CLDN15: variants seen among roughly 807,000 people sequenced by gnomAD.
The protein encoded by CLDN15 is claudin 15, also known as claudin-15.
Under a neutral mutation model 24.5 loss-of-function variants are expected in CLDN15, and 9 were observed. That is an observed-to-expected ratio of 0.37 (90% CI 0.22 to 0.64). The LOEUF (loss-of-function observed/expected upper bound fraction) is 0.64. CLDN15 is among the 30% of genes least tolerant of loss of function. CLDN15 has a pLI of 0.63. For synonymous variants in CLDN15, 149 were observed against 131.4 expected (o/e 1.13, Z -0.92); for missense variants, 248 against 305.9 (o/e 0.81, Z 1.41).
In CLDN15 at chr7:101,237,479, G is replaced by C. The variant is rs760934332; in HGVS notation, c.103C>G (p.His35Asp). Residue 35 changes from histidine to aspartate, a missense_variant, in exon 1 of 5, where the codon CAC becomes GAC. Physicochemically the swap from His to Asp is moderately conservative, Grantham distance 81. Transcript: ENST00000308344. This position sits in a 1 kb window ranked among gnomAD's most constrained non-coding sequence, Gnocchi z 4.0. ...PNSYWRVSTV[H>D]GNVITTNTIF... ...GTGTTGGTGGTGATGACGTTCCCGTGCACAGTGGACACTCGCCAGTAGCTG... is the reference window on the plus strand; with the variant it reads ...GTGTTGGTGGTGATGACGTTCCCGTCCACAGTGGACACTCGCCAGTAGCTG... The C allele has an allele frequency of 1.2e-6, 2 of 1,613,986 alleles. No homozygotes were observed. The highest frequency in any genetic ancestry group is 2.2e-5 in the South Asian group (2 of 91,076).
rs1022645930 is a variant in CLDN15 at position 101,237,313 on chromosome 7, C to G, written c.217+52G>C. 8.3e-7 allele frequency: 1 copy of G among 1,203,750 alleles called. No individual in the cohort carries two copies. The allele number at this position is 1,203,750 out of a possible 1,614,324, so 74.6% of individuals were successfully genotyped here. ...GGAAGTACCCGCCCTCCCCTGGGGT[C>G]TCTGCAGCTTCCCCGCCGCCCTCTC... On this transcript the variant is annotated intron_variant, in intron 1 of 4. Transcript: ENST00000308344. The surrounding 1 kb of genome is among the most constrained non-coding windows in gnomAD (Gnocchi z 4.0).
At chr7:101,234,590 C>T in intron 1 of CLDN15, 148 bp from the exon 2 acceptor site, 2 of 607,502 alleles carry the variant, frequency 3.3e-6, no homozygotes, top group Non-Finnish European at 5.9e-6. Flanking sequence ...CCACGCCCGG[C>T]TAATTTTTCT....
In CLDN15 at chr7:101,232,704, C is replaced by T. The variant is rs754103171; in HGVS notation, c.481G>A (p.Ala161Thr). The T allele has an allele frequency of 4.4e-6, 7 of 1,593,980 alleles. No homozygotes were observed. The highest frequency in any genetic ancestry group is 1.8e-5 in the Admixed American group (1 of 56,834). ...GAGGCGCTCCACCCCAGGTAGAGGG[C>T]GGGGCCCAGCTCGTACCTGCGCACA... is the stretch of plus-strand genomic sequence containing the variant. ...YPGTKYELGPALYLGWSASLI... is the reference protein window; with the variant it reads ...YPGTKYELGPTLYLGWSASLI... The change falls in exon 4 of 5, where the codon GCC (alanine) becomes ACC (threonine). Residue 161 changes from alanine to threonine, a missense_variant. By Grantham distance (58) the Ala-to-Thr change is moderately conservative. Transcript: ENST00000308344.
chr7:101,233,177 T>A (rs1375728724), intron 2 of CLDN15, among the ~76,000 whole-genome samples: 1 of 151,956 alleles, frequency 6.6e-6, no homozygotes, highest in Non-Finnish European at 1.5e-5. Context: ...CTGCCTCTTC[T>A]CTCTTTGGTC....
Position 101,232,489 on chromosome 7 carries a change from A to T in CLDN15, c.608T>A (p.Val203Glu). Residue 203 changes from valine (V) to glutamate (E), a missense_variant, in exon 5 of 5, where the codon GTG (valine) becomes GAG (glutamate). By Grantham distance (121) the Val-to-Glu change is moderately radical. Transcript: ENST00000308344. ...CGAGGTGGCGACGGGCATCACGGAC[A>T]CTGGAGCCTGGTAGGGCCGCCGGGC... Reference protein sequence around the residue: ...ASARRPYQAPVSVMPVATSDQ... With the variant: ...ASARRPYQAPESVMPVATSDQ... The T allele has an allele frequency of 1.2e-6, 2 of 1,613,210 alleles. No homozygotes were observed. Among genetic ancestry groups the T allele is most frequent in the East Asian group, 4.5e-5 (2 of 44,866 alleles).
chr7:101,232,511 G>C lies in CLDN15; in HGVS notation c.586C>G (p.Arg196Gly), dbSNP rs948783117. 2.5e-6 allele frequency: 4 copies of C among 1,611,076 alleles called. No individual in the cohort carries two copies. The highest frequency in any genetic ancestry group is 3.4e-6 in the Non-Finnish European group (4 of 1,178,120). Residue 196 changes from arginine to glycine, a missense_variant, in exon 5 of 5, where the codon CGG becomes GGG. Physicochemically the swap from Arg to Gly is moderately radical, Grantham distance 125. Coordinates refer to ENST00000308344, the MANE Select transcript of CLDN15 (RefSeq NM_014343.3). ...GACACTGGAGCCTGGTAGGGCCGCC[G>C]GGCGCTGCGGGGAGGGCCCGGGGTC... ...GSDEDPAASARRPYQAPVSVM... is the reference protein window; with the variant it reads ...GSDEDPAASAGRPYQAPVSVM...
upstream of CLDN15, chr7:101,237,952 C>G (rs1044605650): frequency 1.3e-5 from 4 of 317,620 alleles, no homozygotes; most frequent in Non-Finnish European, 1.9e-5. This position sits in a 1 kb window ranked among gnomAD's most constrained non-coding sequence, Gnocchi z 4.0. Flanking sequence ...GAGCCACTGA[C>G]GGATACAGCC....
chr7:101,233,070 T>C (rs1356191867), intron 2 of CLDN15, among the ~76,000 whole-genome samples, 156 bp from the exon 3 acceptor site: 3 of 152,078 alleles, frequency 2.0e-5, no homozygotes, highest in African/African-American at 7.2e-5. Context: ...CACCCCAGTT[T>C]ATAAGCCTTC....
chr7:101,237,898 C>T (rs748498620), upstream of CLDN15: 49 of 382,976 alleles, frequency 1.3e-4, no homozygotes, highest in Middle Eastern at 8.1e-4. The surrounding 1 kb of genome is among the most constrained non-coding windows in gnomAD (Gnocchi z 4.0). Context: ...TGGGCTGCCC[C>T]GGGCTCCCCG....
intron 1 of CLDN15, among the ~76,000 whole-genome samples, chr7:101,236,104 G>A (rs1191545457): frequency 3.9e-5 from 6 of 152,174 alleles, no homozygotes; most frequent in Admixed American, 3.3e-4. Context: ...TGCCAGGGGT[G>A]CCCCTCTCAG....
At position 101,237,178 on chromosome 7, in the gene CLDN15, C is replaced by T. The variant is rs751350752; in HGVS notation, c.217+187G>A. On this transcript the variant is annotated intron_variant, in intron 1 of 4. Coordinates refer to ENST00000308344, the MANE Select transcript of CLDN15 (RefSeq NM_014343.3). The surrounding 1 kb of genome is among the most constrained non-coding windows in gnomAD (Gnocchi z 4.0). ...AAAGCGCCACACTAGCGCAGGGGGC[C>T]ACGTGTGGCAAGGTCTTCACTCCAG... Among the ~76,000 whole-genome samples, 3 of 152,190 alleles carry T rather than the reference C, an allele frequency of 2.0e-5. No homozygotes were observed. The highest frequency in any genetic ancestry group is 4.4e-5 in the Non-Finnish European group (3 of 68,038).
chr7:101,238,045 G>A (rs1798669431), upstream of CLDN15: 1 of 232,210 alleles, frequency 4.3e-6, no homozygotes, highest in East Asian at 9.7e-5. Context: ...GCCAAAGAAC[G>A]GAGTAAGAGG....
At chr7:101,237,923 G>C (rs547566377), upstream of CLDN15, 15 of 361,800 alleles carry the variant, frequency 4.1e-5, no homozygotes, top group South Asian at 1.7e-4. The surrounding 1 kb of genome is among the most constrained non-coding windows in gnomAD (Gnocchi z 4.0). Context: ...ACGAGGGTGG[G>C]GGGGGCAGAC....
rs1315308847 is a variant in CLDN15, at chr7:101,232,395, C to G, written c.*15G>C. ...GGGGCAGTGGGAAGACAGCGGGGCC[C>G]ACGGGCCAGAGCTGCTACACGTAGG... On this transcript the variant is annotated 3_prime_UTR_variant, in exon 5 of 5. Coordinates refer to ENST00000308344, the MANE Select transcript of CLDN15 (RefSeq NM_014343.3). 1.9e-6 allele frequency: 3 copies of G among 1,584,586 alleles called. No individual in the cohort carries two copies. Among genetic ancestry groups the G allele is most frequent in the Non-Finnish European group, 2.6e-6 (3 of 1,154,678 alleles).
intron 2 of CLDN15, 74 bp from the exon 3 acceptor site, chr7:101,232,988 G>GCCCCT: frequency 3.8e-6 from 4 of 1,057,094 alleles, no homozygotes; most frequent in Non-Finnish European, 5.8e-6. Flanking sequence ...GGGAGAGGCA[G>GCCCCT]GCAGGGGCTG....
upstream of CLDN15, chr7:101,237,922 G>A (rs961409739): frequency 8.8e-5 from 32 of 362,834 alleles, no homozygotes; most frequent in African/African-American, 5.7e-4. This position sits in a 1 kb window ranked among gnomAD's most constrained non-coding sequence, Gnocchi z 4.0. Flanking sequence ...CACGAGGGTG[G>A]GGGGGGCAGA....
chr7:101,237,328 G>A lies in CLDN15; in HGVS notation c.217+37C>T, dbSNP rs757515566. 4.0e-5 allele frequency: 55 copies of A among 1,374,512 alleles called. No homozygotes were observed. Among genetic ancestry groups the A allele is most frequent in the Admixed American group, 2.7e-4 (14 of 52,222 alleles). 85.1% of individuals were successfully genotyped at this position (1,374,512 alleles called of 1,614,324 possible). On this transcript the variant is annotated intron_variant, in intron 1 of 4. Coordinates refer to ENST00000308344, the MANE Select transcript of CLDN15 (RefSeq NM_014343.3). The surrounding 1 kb of genome is among the most constrained non-coding windows in gnomAD (Gnocchi z 4.0). ...CCCCTGGGGTCTCTGCAGCTTCCCC[G>A]CCGCCCTCTCTCCCTGGAGCGCTCC...
chr7:101,232,304 A>T lies in CLDN15; in HGVS notation c.*106T>A. 1.4e-6 allele frequency: 1 copy of T among 740,552 alleles called. No homozygotes were observed. The highest frequency in any genetic ancestry group is 2.2e-6 in the Non-Finnish European group (1 of 452,872). 45.9% of individuals were successfully genotyped at this position (740,552 alleles called of 1,614,324 possible). On this transcript the variant is annotated 3_prime_UTR_variant, in exon 5 of 5. Coordinates refer to ENST00000308344, the MANE Select transcript of CLDN15 (RefSeq NM_014343.3). ...GCCGTGGCCGGGGCGGGGCTACGGG[A>T]GCGGGGCGTGGCCGGCCCCTGAGGT... is the stretch of plus-strand genomic sequence containing the variant.
chr7:101,237,229 C>T lies in CLDN15; in HGVS notation c.217+136G>A, dbSNP rs931562964. ...TTCTAGGCATGGGCCGCCCCCAGCA[C>T]TCCTGGCTGCGGGAACTCAGACCCG... On this transcript the variant is annotated intron_variant, in intron 1 of 4. Coordinates refer to ENST00000308344, the MANE Select transcript of CLDN15 (RefSeq NM_014343.3). The surrounding 1 kb of genome is among the most constrained non-coding windows in gnomAD (Gnocchi z 4.0). 4.4e-6 allele frequency: 3 copies of T among 687,026 alleles called. No individual in the cohort carries two copies. In the African/African-American group the frequency reaches 5.3e-5, roughly 12 times the overall value. The allele number at this position is 687,026 out of a possible 1,614,324, so 42.6% of individuals were successfully genotyped here. A position where few individuals can be genotyped will look rare whatever the true frequency, so the allele number is the denominator to read the frequency against.
Sources: gnomAD v4.1 joint callset for allele counts (sites outside exome capture counted in the v4.1 genomes callset) on GRCh38, gnomAD v4.1.1 for gene constraint, Gnocchi (gnomAD v3.1) non-coding constraint, MANE v1.5 for transcripts, NCBI Gene and HGNC (gene_info 2026-07-23, HGNC 2026-07-21) for gene names.